The following FAM83A variants were observed in gnomAD, a reference collection of about 807,000 sequenced individuals.
The protein encoded by FAM83A is scaffolding CK1 anchoring protein A.
FAM83A carries 21 observed loss-of-function variants against 24.4 expected under a neutral mutation model. The observed-to-expected ratio is 0.86, with a 90% CI of 0.61 to 1.24. The LOEUF is 1.24. Among genes scored for constraint, FAM83A ranks in the 50% most tolerant of loss-of-function variants. The probability of loss-of-function intolerance (pLI) is 0.00; values close to 1 mark genes in which losing one functional copy is unlikely to be tolerated. For synonymous variants in FAM83A, 270 were observed against 252.4 expected (o/e 1.07, Z -0.66); for missense variants, 617 against 579.8 (o/e 1.06, Z -0.66).
In FAM83A at chr8:123,189,817, G is replaced by A. The variant is rs181632478; in HGVS notation, c.481-1986G>A. 4.0e-3 allele frequency among the ~76,000 whole-genome samples: 613 copies of A among 152,188 alleles called. 2 individuals are homozygous for A. The highest frequency in any genetic ancestry group is 6.0e-3 in the Non-Finnish European group (411 of 67,996). ...AATGTATAAAATCAAGCTGTGCCCC[G>A]ACCACCTTGGGCACATGTCGTCAGG... is the stretch of plus-strand genomic sequence containing the variant. On this transcript the variant is annotated intron_variant, in intron 1 of 3. Coordinates refer to ENST00000690554, the Ensembl canonical transcript of FAM83A.
intron 1 of FAM83A, among the ~76,000 whole-genome samples, chr8:123,184,085 C>T (rs191787701): frequency 1.3e-5 from 2 of 152,290 alleles, no homozygotes; most frequent in Admixed American, 1.3e-4. Context: ...AGAACAAACT[C>T]CTTAGCATGG....
chr8:123,189,027 G>A (rs1165427287), intron 1 of FAM83A, among the ~76,000 whole-genome samples: 1 of 152,190 alleles, frequency 6.6e-6, no homozygotes, highest in Non-Finnish European at 1.5e-5. Flanking sequence ...GCATAGAACT[G>A]GAAGTACTTA....
chr8:123,197,267 GA>G (rs1719918218), intron 3 of FAM83A, among the ~76,000 whole-genome samples: 1 of 152,110 alleles, frequency 6.6e-6, no homozygotes, highest in African/African-American at 2.4e-5. Flanking sequence ...AAGGCTATGG[GA>G]AAAAAAGAGA....
chr8:123,195,940 A>T (rs1308533297), intron 3 of FAM83A, among the ~76,000 whole-genome samples: 1 of 152,260 alleles, frequency 6.6e-6, no homozygotes, highest in East Asian at 1.9e-4. Flanking sequence ...CACAGAGTAT[A>T]ACTTTCTCTC....
intron 2 of FAM83A, chr8:123,192,755 G>A (rs1186093133): frequency 6.6e-6 from 1 of 152,306 alleles, no homozygotes; most frequent in African/African-American, 2.4e-5. Flanking sequence ...GCTGAGTTCA[G>A]TGCTGCCTCC....
intron 2 of FAM83A, among the ~76,000 whole-genome samples, chr8:123,192,341 A>G (rs148512411): frequency 6.6e-6 from 1 of 152,292 alleles, no homozygotes; most frequent in East Asian, 1.9e-4. Context: ...CATCTCTGCC[A>G]TGTACTCCAG....
intron 1 of FAM83A, among the ~76,000 whole-genome samples, chr8:123,189,263 G>A (rs1308554648): frequency 6.6e-6 from 1 of 152,190 alleles, no homozygotes; most frequent in Admixed American, 6.5e-5. Context: ...AATCTCTGAG[G>A]AGTTCCCTCC....
In FAM83A at chr8:123,209,276, T is replaced by G; in HGVS notation, c.*1588T>G. The G allele has an allele frequency of 7.7e-7, 1 of 1,299,982 alleles. No individual in the cohort carries two copies. The highest frequency in any genetic ancestry group is 2.5e-5 in the South Asian group (1 of 39,618). 80.5% of individuals were successfully genotyped at this position (1,299,982 alleles called of 1,614,324 possible). A position where few individuals can be genotyped will look rare whatever the true frequency, so the allele number is the denominator to read the frequency against. ...CTCTGACCCCTGACGGCCTGTGGCA[T>G]CCTCCCTAGTCCCCTCTGCCCATCC... On this transcript the variant is annotated 3_prime_UTR_variant, in exon 4 of 4. Coordinates refer to ENST00000690554, the Ensembl canonical transcript of FAM83A. This position sits in a 1 kb window ranked among gnomAD's most constrained non-coding sequence, Gnocchi z 4.7.
upstream of FAM83A, chr8:123,181,966 G>A (rs1237815976): frequency 1.3e-5 from 6 of 450,470 alleles, no homozygotes; most frequent in South Asian, 1.6e-5. Context: ...GAAAGAACAC[G>A]TGGTCACTCC....
At chr8:123,181,759 C>T (rs1246373316), upstream of FAM83A, 1 of 306,246 alleles carries the variant, frequency 3.3e-6, no homozygotes, top group Non-Finnish European at 6.6e-6. Flanking sequence ...CAGTGGCCTG[C>T]TCCTCAACTT....
chr8:123,207,117 C>T, intron 3 of FAM83A, 40 bp from the exon 4 acceptor site: 1 of 1,297,968 alleles, frequency 7.7e-7, no homozygotes, highest in Non-Finnish European at 1.0e-6. Flanking sequence ...CCCATCCTTC[C>T]CCCTTCTCCT....
intron 3 of FAM83A, among the ~76,000 whole-genome samples, chr8:123,196,354 T>G (rs1168113922): frequency 6.6e-6 from 1 of 152,244 alleles, no homozygotes; most frequent in African/African-American, 2.4e-5. Context: ...TCTCTGTCTT[T>G]TAATAGGTCT....
chr8:123,179,471 A>T (rs1182159683), upstream of FAM83A: 2 of 152,224 alleles, frequency 1.3e-5, no homozygotes, highest in Admixed American at 1.3e-4. Flanking sequence ...GTTCATTATA[A>T]ATCACCCAGT....
At chr8:123,204,500 C>T (rs904179354) in intron 3 of FAM83A, among the ~76,000 whole-genome samples, 2 of 152,304 alleles carry the variant, frequency 1.3e-5, no homozygotes, top group South Asian at 2.1e-4. Flanking sequence ...CAGTGGCTCA[C>T]GCCTGTAATC....
At chr8:123,184,785 C>G (rs1002881435) in intron 1 of FAM83A, among the ~76,000 whole-genome samples, 4 of 152,216 alleles carry the variant, frequency 2.6e-5, no homozygotes, top group Admixed American at 2.6e-4. Context: ...GTAAAATCCT[C>G]TCTGTCTCCC....
chr8:123,207,592 C>G, exon 4 of FAM83A: 24 of 1,574,240 alleles, frequency 1.5e-5, no homozygotes, highest in Non-Finnish European at 2.1e-5. Flanking sequence ...ACCTGGGGGC[C>G]TACAGGCCCA....
chr8:123,183,051 G>A (rs375760298), exon 1 of FAM83A: 24 of 1,612,452 alleles, frequency 1.5e-5, no homozygotes, highest in African/African-American at 5.3e-5. Context: ...TCTTGTCCTC[G>A]GTGGAGGCCC....
exon 4 of FAM83A, chr8:123,208,318 C>T: frequency 4.1e-6 from 4 of 985,624 alleles, no homozygotes; most frequent in Non-Finnish European, 4.8e-6. Flanking sequence ...GCTGTAGCCA[C>T]CAGGGATGCA....
exon 1 of FAM83A, chr8:123,182,924 G>C (rs777247371): frequency 1.9e-6 from 3 of 1,550,724 alleles, no homozygotes; most frequent in African/African-American, 2.7e-5. Flanking sequence ...CAGTGGGTCC[G>C]GCCAGCCAGG....
Sources: allele counts gnomAD v4.1 joint callset (sites outside exome capture counted in the v4.1 genomes callset), GRCh38; gene constraint gnomAD v4.1.1; non-coding constraint Gnocchi (gnomAD v3.1); transcripts MANE v1.5; gene names NCBI Gene and HGNC (gene_info 2026-07-23, HGNC 2026-07-21).